The following DACH1 variants were observed in gnomAD, a reference collection of about 807,000 sequenced individuals.
DACH1 encodes dachshund homolog 1.
Under a neutral mutation model 54.2 loss-of-function variants are expected in DACH1, and 12 were observed. The observed-to-expected ratio is 0.22, with a 90% CI of 0.14 to 0.36. DACH1 has a LOEUF of 0.36. DACH1 is among the 10% of genes least tolerant of loss of function. The probability of loss-of-function intolerance (pLI) is 1.00; values close to 1 mark genes in which losing one functional copy is unlikely to be tolerated. For synonymous variants in DACH1, 386 were observed against 366.2 expected (o/e 1.05, Z -0.62); for missense variants, 805 against 929.8 (o/e 0.87, Z 1.75).
chr13:71,462,202 C>A (rs1452736226), intron 10 of DACH1, among the ~76,000 whole-genome samples: 1 of 151,844 alleles, frequency 6.6e-6, no homozygotes, highest in Non-Finnish European at 1.5e-5. Flanking sequence ...TCTGCAGTTA[C>A]TCCACACTAT....
At chr13:71,750,297 CT>C (rs1431526140) in intron 1 of DACH1, among the ~76,000 whole-genome samples, 3 of 152,048 alleles carry the variant, frequency 2.0e-5, no homozygotes, top group African/African-American at 7.2e-5. Flanking sequence ...GCAATAATTG[CT>C]TTTTTTGAAT....
chr13:71,740,671 G>A (rs1208945566), intron 1 of DACH1, among the ~76,000 whole-genome samples: 3 of 152,090 alleles, frequency 2.0e-5, no homozygotes, highest in Non-Finnish European at 4.4e-5. Context: ...ATAAGATATT[G>A]CATGTGCTAC....
intron 1 of DACH1, among the ~76,000 whole-genome samples, chr13:71,696,778 C>T (rs1184630429): frequency 6.6e-6 from 1 of 152,222 alleles, no homozygotes; most frequent in East Asian, 1.9e-4. Context: ...AACTCCTAAC[C>T]ACAGGTGATC....
At chr13:71,504,511 A>G (rs966823268) in intron 6 of DACH1, among the ~76,000 whole-genome samples, 4 of 152,186 alleles carry the variant, frequency 2.6e-5, no homozygotes, top group African/African-American at 9.7e-5. Flanking sequence ...ATAACACGTT[A>G]GGAGGAACTG....
intron 2 of DACH1, among the ~76,000 whole-genome samples, chr13:71,676,735 G>A (rs1323610077): frequency 6.6e-6 from 1 of 152,078 alleles, no homozygotes; most frequent in Non-Finnish European, 1.5e-5. Context: ...ATGTTTCAAT[G>A]GGATTAATTC....
At chr13:71,748,906 TTC>T (rs749867534) in intron 1 of DACH1, among the ~76,000 whole-genome samples, 1 of 35,210 alleles carries the variant, frequency 2.8e-5, no homozygotes, top group East Asian at 4.2e-4. Flanking sequence ...TTCTCTTTCT[TTC>T]TTTCTTTCTT....
At chr13:71,701,895 C>A (rs543238853) in intron 1 of DACH1, among the ~76,000 whole-genome samples, 44 of 152,146 alleles carry the variant, frequency 2.9e-4, no homozygotes, top group African/African-American at 1.1e-3. Flanking sequence ...TAGTCCAGTG[C>A]TTTCTTGCGA....
intron 1 of DACH1, among the ~76,000 whole-genome samples, chr13:71,781,503 C>T (rs1315337818): frequency 6.6e-6 from 1 of 151,776 alleles, no homozygotes; most frequent in Admixed American, 6.6e-5. Context: ...CTCAGCCTCC[C>T]AAGTAGCTGA....
intron 3 of DACH1, among the ~76,000 whole-genome samples, chr13:71,582,101 A>G (rs1872891369): frequency 6.6e-6 from 1 of 152,166 alleles, no homozygotes; most frequent in South Asian, 2.1e-4. Flanking sequence ...TATTGCTACC[A>G]AAAGTGTATT....
chr13:71,809,516 T>C (rs1887631134), intron 1 of DACH1, among the ~76,000 whole-genome samples: 1 of 152,146 alleles, frequency 6.6e-6, no homozygotes, highest in Non-Finnish European at 1.5e-5. Context: ...TGAAATTAAG[T>C]TGAAAATGGT....
intron 1 of DACH1, among the ~76,000 whole-genome samples, chr13:71,825,983 T>C (rs1238988182): frequency 6.6e-6 from 1 of 152,082 alleles, no homozygotes; most frequent in Non-Finnish European, 1.5e-5. Context: ...CATGCACATG[T>C]AAAGCTAAAG....
chr13:71,804,848 TATTA>T (rs1239449413), intron 1 of DACH1, among the ~76,000 whole-genome samples: 1 of 152,184 alleles, frequency 6.6e-6, no homozygotes, highest in Non-Finnish European at 1.5e-5. Flanking sequence ...TGACTTGTAT[TATTA>T]ATTATTTACC....
intron 2 of DACH1, among the ~76,000 whole-genome samples, chr13:71,659,395 T>C (rs1002949034): frequency 3.9e-5 from 6 of 152,190 alleles, no homozygotes; most frequent in Admixed American, 3.3e-4. Flanking sequence ...GGTAAGTAAT[T>C]ATACCACTGT....
chr13:71,815,399 A>G (rs976438814), intron 1 of DACH1, among the ~76,000 whole-genome samples: 1 of 152,152 alleles, frequency 6.6e-6, no homozygotes, highest in South Asian at 2.1e-4. Context: ...ATTGCCTAAA[A>G]TAACACTGTT....
intron 6 of DACH1, among the ~76,000 whole-genome samples, chr13:71,515,161 T>C (rs1267412228): frequency 6.6e-6 from 1 of 151,922 alleles, no homozygotes; most frequent in Non-Finnish European, 1.5e-5. Flanking sequence ...TCACAACTCA[T>C]AGGTGATAAG....
chr13:71,495,164 T>G (rs1185410638), intron 6 of DACH1, among the ~76,000 whole-genome samples: 1 of 152,044 alleles, frequency 6.6e-6, no homozygotes, highest in Non-Finnish European at 1.5e-5. Context: ...AAAGCACACA[T>G]TACAAAGAGA....
In DACH1 at chr13:71,574,447, T is replaced by C. The variant is rs898734504; in HGVS notation, c.1127-1435A>G. Reference sequence around the variant, plus strand: ...AAACCATATTTTCATATAATATGCATAGAAACAACAAAGTTGGTAAAACTC... The same window carrying C: ...AAACCATATTTTCATATAATATGCACAGAAACAACAAAGTTGGTAAAACTC... On this transcript the variant is annotated intron_variant, in intron 3 of 10. Transcript: ENST00000613252. Among the ~76,000 whole-genome samples the C allele has an allele frequency of 9.2e-5, 14 of 152,126 alleles. No individual in the cohort carries two copies. In the East Asian group the frequency reaches 2.1e-3, roughly 23 times the overall value.
intron 1 of DACH1, among the ~76,000 whole-genome samples, chr13:71,830,393 T>G (rs972786770): frequency 6.6e-6 from 1 of 151,904 alleles, no homozygotes; most frequent in African/African-American, 2.4e-5. Flanking sequence ...AAATGTTTTC[T>G]ATATTCAAAA....
At chr13:71,779,138 C>T (rs201355198) in intron 1 of DACH1, among the ~76,000 whole-genome samples, 25,564 of 116,604 alleles carry the variant, frequency 0.22, 3,348 homozygotes, top group Non-Finnish European at 0.25. Context: ...TACATATATA[C>T]ACATATATAC....
Sources: allele counts gnomAD v4.1 joint callset (sites outside exome capture counted in the v4.1 genomes callset), GRCh38; gene constraint gnomAD v4.1.1; transcripts MANE v1.5; gene names NCBI Gene and HGNC (gene_info 2026-07-23, HGNC 2026-07-21).